DDR2: variants seen among roughly 807,000 people sequenced by gnomAD.
DDR2 encodes the protein discoidin domain receptor tyrosine kinase 2.
A neutral mutation model predicts 94.9 loss-of-function variants in DDR2; 27 were observed. That is an observed-to-expected ratio of 0.28 (90% CI 0.21 to 0.39). The LOEUF is 0.39. Among genes scored for constraint, DDR2 ranks in the 10% least tolerant of loss-of-function variants. The pLI is 1.00. For missense variants in DDR2, 783 were observed against 1,076.0 expected, an observed-to-expected ratio of 0.73 and a Z score of 3.81; for synonymous variants, 382 against 377.2, an observed-to-expected ratio of 1.01 and a Z score of -0.15.
intron 3 of DDR2, among the ~76,000 whole-genome samples, chr1:162,751,062 A>G (rs900101070): frequency 6.6e-6 from 1 of 152,226 alleles, no homozygotes; most frequent in African/African-American, 2.4e-5. Flanking sequence ...AACCTAGGCA[A>G]TACCATTAAG....
intron 4 of DDR2, among the ~76,000 whole-genome samples, chr1:162,754,328 G>GTAGGA (rs1490362215): frequency 6.6e-6 from 1 of 152,194 alleles, no homozygotes; most frequent in Non-Finnish European, 1.5e-5. Context: ...CGGGAACAGA[G>GTAGGA]AGTAGGAAGA....
At chr1:162,671,600 C>T (rs1658844947) in intron 2 of DDR2, among the ~76,000 whole-genome samples, 1 of 151,992 alleles carries the variant, frequency 6.6e-6, no homozygotes, top group East Asian at 1.9e-4. Flanking sequence ...GTGTTCTCTC[C>T]CTTGGCCTTG....
chr1:162,785,566 G>A lies in DDR2; in HGVS notation c.*5320G>A, dbSNP rs1462279159. On this transcript the variant is annotated 3_prime_UTR_variant, in exon 18 of 18. Coordinates refer to ENST00000367921, the MANE Select transcript of DDR2 (RefSeq NM_006182.4). ...CATTTTTAAGTCCCCTATTTAAGGG[G>A]TCAAGATTATAACAATGTGTGTCTT... is the stretch of plus-strand genomic sequence containing the variant. 1 of 152,122 alleles carries A rather than the reference G, an allele frequency of 6.6e-6. No individual in the cohort carries two copies. The highest frequency in any genetic ancestry group is 2.4e-5 in the African/African-American group (1 of 41,420). 9.4% of individuals were successfully genotyped at this position (152,122 alleles called of 1,614,324 possible).
chr1:162,774,648 G>T (rs1047351194), intron 14 of DDR2, among the ~76,000 whole-genome samples: 1 of 152,094 alleles, frequency 6.6e-6, no homozygotes, highest in African/African-American at 2.4e-5. Flanking sequence ...GTGGCATGAG[G>T]GGAAACAAAA....
chr1:162,741,441 G>C (rs1662610709), intron 3 of DDR2: 1 of 303,384 alleles, frequency 3.3e-6, no homozygotes, highest in African/African-American at 2.3e-5. Flanking sequence ...TTAGATTTTT[G>C]GATTTGAGAT....
intron 1 of DDR2, among the ~76,000 whole-genome samples, chr1:162,633,140 C>T (rs889351737): frequency 1.4e-4 from 21 of 152,062 alleles, no homozygotes; most frequent in African/African-American, 5.1e-4. Flanking sequence ...GGGTGGCTTC[C>T]CCCTGAGATT....
At chr1:162,673,334 A>G (rs60170906) in intron 2 of DDR2, among the ~76,000 whole-genome samples, 36,518 of 151,892 alleles carry the variant, frequency 0.24, 5,916 homozygotes, top group African/African-American at 0.46. Context: ...GATAGACCCT[A>G]CTGGGTCCAG....
In DDR2 at chr1:162,714,083, C is replaced by T. The variant is rs914872819; in HGVS notation, c.-27-4954C>T. On this transcript the variant is annotated intron_variant, in intron 2 of 17. Transcript: ENST00000367921. ...GAGGTTGAATACTTTTAGATGTTTA[C>T]AGCATTATATTGTCTCCCCTGTTGA... Among the ~76,000 whole-genome samples, 3 of 152,122 alleles carry T rather than the reference C, an allele frequency of 2.0e-5. No homozygotes were observed. The East Asian group carries it at 5.8e-4, about 29-fold the overall frequency.
At chr1:162,737,112 C>CT (rs146007655) in intron 3 of DDR2, among the ~76,000 whole-genome samples, 2,888 of 144,016 alleles carry the variant, frequency 0.02, 72 homozygotes, top group African/African-American at 0.058. Flanking sequence ...TTTTTCGTTT[C>CT]TTTTTTTTTA....
intron 3 of DDR2, among the ~76,000 whole-genome samples, chr1:162,721,085 T>G (rs1661397883): frequency 6.6e-6 from 1 of 152,172 alleles, no homozygotes; most frequent in Non-Finnish European, 1.5e-5. Context: ...ATTGTTGATG[T>G]TTGGTTGCCT....
At chr1:162,763,746 G>A (rs968989070) in intron 9 of DDR2, among the ~76,000 whole-genome samples, 34 of 151,950 alleles carry the variant, frequency 2.2e-4, no homozygotes, top group Non-Finnish European at 3.2e-4. Flanking sequence ...TGGATTTTTC[G>A]GTGGAAGAAA....
intron 3 of DDR2, among the ~76,000 whole-genome samples, chr1:162,730,053 T>TC (rs1661951599): frequency 6.7e-6 from 1 of 148,982 alleles, no homozygotes; most frequent in Non-Finnish European, 1.5e-5. Context: ...TTTTTTTTTT[T>TC]TTTGCAAAAA....
intron 1 of DDR2, among the ~76,000 whole-genome samples, chr1:162,653,306 G>GA (rs1657794119): frequency 6.6e-6 from 1 of 152,122 alleles, no homozygotes. Flanking sequence ...GCCGGGCATG[G>GA]TGGCTTGTGC....
At chr1:162,775,590 TTCTC>T in intron 14 of DDR2, 58 bp from the exon 15 acceptor site, 1 of 1,577,126 alleles carries the variant, frequency 6.3e-7, no homozygotes, top group Admixed American at 1.7e-5. Context: ...GTGTGCATTC[TTCTC>T]TCTCTTGATT....
intron 2 of DDR2, among the ~76,000 whole-genome samples, chr1:162,686,870 G>A (rs958154652): frequency 1.3e-5 from 2 of 152,196 alleles, no homozygotes; most frequent in Non-Finnish European, 2.9e-5. Flanking sequence ...GAGCCACCAC[G>A]CCTGGCCTAT....
intron 3 of DDR2, among the ~76,000 whole-genome samples, chr1:162,725,446 A>G (rs1661613994): frequency 6.6e-6 from 1 of 152,138 alleles, no homozygotes; most frequent in Admixed American, 6.5e-5. Flanking sequence ...TGGCATGAAC[A>G]TGACTCACTG....
chr1:162,770,663 C>T (rs772480072), intron 12 of DDR2, 151 bp downstream of exon 12: 94 of 836,866 alleles, frequency 1.1e-4, no homozygotes, highest in African/African-American at 7.6e-4. Context: ...TTTGGTCTGC[C>T]GCTGCTCCTG....
chr1:162,720,831 T>C (rs1389277887), intron 3 of DDR2, among the ~76,000 whole-genome samples: 1 of 152,218 alleles, frequency 6.6e-6, no homozygotes, highest in Admixed American at 6.5e-5. Flanking sequence ...TTTTGTCCTC[T>C]TCATAGCATA....
chr1:162,668,319 A>G (rs1037233593), intron 2 of DDR2, among the ~76,000 whole-genome samples: 4 of 152,182 alleles, frequency 2.6e-5, no homozygotes, highest in African/African-American at 9.7e-5. Context: ...GACACATTAG[A>G]CCTTAGCTTG....
Sources: allele counts gnomAD v4.1 joint callset (sites outside exome capture counted in the v4.1 genomes callset), GRCh38; gene constraint gnomAD v4.1.1; transcripts MANE v1.5; gene names NCBI Gene and HGNC (gene_info 2026-07-23, HGNC 2026-07-21).